The following MECOM variants were observed in gnomAD, a reference collection of about 807,000 sequenced individuals.
MECOM encodes the protein histone-lysine N-methyltransferase MECOM.
A neutral mutation model predicts 116.3 loss-of-function variants in MECOM; 13 were observed. The ratio of observed to expected loss-of-function variants is 0.11; its 90% CI spans 0.07 to 0.18. The LOEUF (loss-of-function observed/expected upper bound fraction) is 0.18, where lower values mean the gene tolerates loss of function less well. Among genes scored for constraint, MECOM ranks in the 10% least tolerant of loss-of-function variants. MECOM has a pLI of 1.00. For synonymous variants in MECOM, 528 were observed against 535.2 expected (o/e 0.99, Z 0.19); for missense variants, 1,299 against 1,509.0 (o/e 0.86, Z 2.31).
At chr3:169,540,310 C>T (rs1424603382) in intron 1 of MECOM, among the ~76,000 whole-genome samples, 2 of 152,144 alleles carry the variant, frequency 1.3e-5, no homozygotes, top group African/African-American at 4.8e-5. Flanking sequence ...AGCAGGAGTT[C>T]TGGCATTCTG....
chr3:169,419,352 T>C (rs1440236298), intron 1 of MECOM, among the ~76,000 whole-genome samples: 1 of 152,178 alleles, frequency 6.6e-6, no homozygotes, highest in Non-Finnish European at 1.5e-5. Context: ...GTTATCCCCA[T>C]CAGGCTACCA....
intron 1 of MECOM, among the ~76,000 whole-genome samples, chr3:169,497,506 C>T (rs757511547): frequency 6.6e-6 from 1 of 151,904 alleles, no homozygotes; most frequent in Non-Finnish European, 1.5e-5. Flanking sequence ...CCACCAGGCC[C>T]GGCTAATTTT....
At chr3:169,148,054 T>C (rs1265296545) in intron 2 of MECOM, among the ~76,000 whole-genome samples, 1 of 152,180 alleles carries the variant, frequency 6.6e-6, no homozygotes, top group African/African-American at 2.4e-5. Context: ...CATACTCTAA[T>C]TTATTCCCTT....
At chr3:169,479,689 C>T (rs1041592674) in intron 1 of MECOM, among the ~76,000 whole-genome samples, 1 of 146,120 alleles carries the variant, frequency 6.8e-6, no homozygotes, top group Non-Finnish European at 1.5e-5. Context: ...TTGCCTGATT[C>T]TCAGGCACAA....
chr3:169,212,032 C>G (rs1343477072), intron 2 of MECOM, among the ~76,000 whole-genome samples: 1 of 152,020 alleles, frequency 6.6e-6, no homozygotes, highest in Non-Finnish European at 1.5e-5. Context: ...TTCATTTTCT[C>G]TATCTGCATT....
chr3:169,531,489 G>A (rs551630364), intron 1 of MECOM, among the ~76,000 whole-genome samples: 7 of 152,244 alleles, frequency 4.6e-5, no homozygotes, highest in Admixed American at 4.6e-4. Flanking sequence ...CCTCATCAGA[G>A]AGGCAAGACA....
chr3:169,168,301 C>G (rs1356427735), intron 2 of MECOM, among the ~76,000 whole-genome samples: 4 of 142,296 alleles, frequency 2.8e-5, no homozygotes, highest in Non-Finnish European at 6.0e-5. Flanking sequence ...TCCCAAAGTT[C>G]TGGGATTACA....
chr3:169,454,528 T>C (rs1200666479), intron 1 of MECOM, among the ~76,000 whole-genome samples: 2 of 152,180 alleles, frequency 1.3e-5, no homozygotes, highest in East Asian at 3.8e-4. Flanking sequence ...TCTTTTATTT[T>C]GTTTTTATTA....
At chr3:169,342,074 G>A (rs1724644139) in intron 2 of MECOM, among the ~76,000 whole-genome samples, 1 of 151,946 alleles carries the variant, frequency 6.6e-6, no homozygotes, top group Admixed American at 6.6e-5. Context: ...ATAGGTATAA[G>A]TATGTTCTGT....
intron 1 of MECOM, among the ~76,000 whole-genome samples, chr3:169,413,467 GT>G (rs1157288050): frequency 5.0e-4 from 69 of 137,172 alleles, no homozygotes; most frequent in African/African-American, 9.7e-4. Flanking sequence ...AGCTGCAGGA[GT>G]TTTTTTTTTG....
At chr3:169,364,980 T>A (rs1276937729) in intron 2 of MECOM, among the ~76,000 whole-genome samples, 1 of 152,112 alleles carries the variant, frequency 6.6e-6, no homozygotes, top group Admixed American at 6.6e-5. Context: ...GAAAGAATTA[T>A]GATTGCTTGT....
intron 1 of MECOM, among the ~76,000 whole-genome samples, chr3:169,574,826 T>TAA (rs79191103): frequency 4.6e-5 from 6 of 129,326 alleles, no homozygotes; most frequent in Non-Finnish European, 5.2e-5. Flanking sequence ...CCTGTATTTA[T>TAA]AAAAAAAAAA....
chr3:169,333,330 G>A (rs1011602279), intron 2 of MECOM, among the ~76,000 whole-genome samples: 1 of 152,114 alleles, frequency 6.6e-6, no homozygotes, highest in East Asian at 1.9e-4. Context: ...GATTGGCCAA[G>A]CCAGCGAGAA....
chr3:169,647,733 A>G (rs569376075), intron 1 of MECOM, among the ~76,000 whole-genome samples: 30 of 152,308 alleles, frequency 2.0e-4, no homozygotes, highest in Admixed American at 8.5e-4. Context: ...AGCTTTTTGC[A>G]GCTGATAAAA....
intron 1 of MECOM, among the ~76,000 whole-genome samples, chr3:169,418,338 G>A (rs9815928): frequency 0.018 from 2,770 of 152,004 alleles, 89 homozygotes; most frequent in African/African-American, 0.063. Flanking sequence ...GAGCTGGTAC[G>A]AATCCTTCTA....
At chr3:169,641,597 C>G (rs187704842) in intron 1 of MECOM, among the ~76,000 whole-genome samples, 1 of 152,164 alleles carries the variant, frequency 6.6e-6, no homozygotes, top group Non-Finnish European at 1.5e-5. Context: ...TAGAGGACCA[C>G]GTGGGCTAAT....
chr3:169,519,476 T>A (rs1480894452), intron 1 of MECOM, among the ~76,000 whole-genome samples: 1 of 152,242 alleles, frequency 6.6e-6, no homozygotes, highest in Non-Finnish European at 1.5e-5. Flanking sequence ...TCAAATTAGA[T>A]GGTAATTCAC....
intron 1 of MECOM, among the ~76,000 whole-genome samples, chr3:169,523,111 A>G (rs1757552510): frequency 6.6e-6 from 1 of 152,216 alleles, no homozygotes; most frequent in African/African-American, 2.4e-5. Context: ...TTTATAGAAA[A>G]TGAACAAACA....
At chr3:169,652,538 T>C (rs1270175245) in intron 1 of MECOM, among the ~76,000 whole-genome samples, 1 of 152,080 alleles carries the variant, frequency 6.6e-6, no homozygotes, top group African/African-American at 2.4e-5. Context: ...AGGATAGTTG[T>C]CCAAGACACA....
Sources: gnomAD v4.1 joint callset for allele counts (sites outside exome capture counted in the v4.1 genomes callset) on GRCh38, gnomAD v4.1.1 for gene constraint, MANE v1.5 for transcripts, NCBI Gene and HGNC (gene_info 2026-07-23, HGNC 2026-07-21) for gene names.